AGTR1: variants seen among roughly 807,000 people sequenced by gnomAD.
AGTR1 encodes type-1 angiotensin II receptor.
Under a neutral mutation model 19.4 loss-of-function variants are expected in AGTR1, and 16 were observed. The observed-to-expected ratio is 0.82, with a 90% CI of 0.56 to 1.25. The LOEUF (loss-of-function observed/expected upper bound fraction) is 1.25, where lower values mean the gene tolerates loss of function less well. Ranked by LOEUF, AGTR1 falls within the 50% of genes most tolerant of loss-of-function variation. The probability of loss-of-function intolerance (pLI) is 0.00; values close to 1 mark genes in which losing one functional copy is unlikely to be tolerated. For missense variants in AGTR1, 373 were observed against 431.9 expected (o/e 0.86, Z 1.21); for synonymous variants, 153 against 154.9 (o/e 0.99, Z 0.09).
chr3:148,711,728 GAGAT>G (rs1031787251), intron 2 of AGTR1, among the ~76,000 whole-genome samples: 84 of 152,174 alleles, frequency 5.5e-4, no homozygotes, highest in Middle Eastern at 3.4e-3. Flanking sequence ...GATTTAAATA[GAGAT>G]AGATAGACAG....
intron 2 of AGTR1, among the ~76,000 whole-genome samples, chr3:148,717,717 C>G (rs953433484): frequency 1.3e-5 from 2 of 152,094 alleles, no homozygotes; most frequent in African/African-American, 4.8e-5. Context: ...TCATATGCCA[C>G]CAGCCATCGG....
At chr3:148,720,483 C>T (rs1316698254) in intron 2 of AGTR1, among the ~76,000 whole-genome samples, 2 of 152,062 alleles carry the variant, frequency 1.3e-5, no homozygotes, top group Non-Finnish European at 2.9e-5. Context: ...CATCTAGTTT[C>T]AAATCAAAAA....
intron 2 of AGTR1, among the ~76,000 whole-genome samples, chr3:148,712,491 A>G (rs887733565): frequency 7.9e-5 from 12 of 152,296 alleles, no homozygotes; most frequent in Admixed American, 2.0e-4. Flanking sequence ...GAGCCACTGT[A>G]GATGAAACCA....
chr3:148,739,098 C>T (rs560437450), intron 2 of AGTR1, among the ~76,000 whole-genome samples: 61 of 152,178 alleles, frequency 4.0e-4, no homozygotes, highest in Non-Finnish European at 6.9e-4. Flanking sequence ...GTGGCTCACG[C>T]CTGTAATTCC....
At chr3:148,730,027 C>G in intron 2 of AGTR1, 1 of 382,084 alleles carries the variant, frequency 2.6e-6, no homozygotes, top group Non-Finnish European at 4.6e-6. Flanking sequence ...TTAATAACAC[C>G]AACAAAAGTT....
chr3:148,714,066 G>A (rs1420735090), intron 2 of AGTR1, among the ~76,000 whole-genome samples: 1 of 152,186 alleles, frequency 6.6e-6, no homozygotes, highest in African/African-American at 2.4e-5. Context: ...ACTACTGAAA[G>A]AGGATATTAA....
At chr3:148,726,103 A>G (rs1173139413) in intron 2 of AGTR1, among the ~76,000 whole-genome samples, 2 of 152,232 alleles carry the variant, frequency 1.3e-5, no homozygotes, top group African/African-American at 4.8e-5. Context: ...TGTCAGATCA[A>G]TGAAGGTTTA....
chr3:148,728,956 C>T (rs979356606), intron 2 of AGTR1, among the ~76,000 whole-genome samples: 1 of 152,152 alleles, frequency 6.6e-6, no homozygotes, highest in Non-Finnish European at 1.5e-5. Flanking sequence ...TTTCCTACTG[C>T]GGGGTTCCTT....
intron 2 of AGTR1, among the ~76,000 whole-genome samples, chr3:148,729,665 G>A (rs1714145028): frequency 6.6e-6 from 1 of 152,142 alleles, no homozygotes; most frequent in Non-Finnish European, 1.5e-5. Flanking sequence ...CTTATCACAG[G>A]ATATTTAATT....
At chr3:148,703,824 A>AT (rs1385430138) in intron 1 of AGTR1, among the ~76,000 whole-genome samples, 11 of 119,042 alleles carry the variant, frequency 9.2e-5, no homozygotes, top group African/African-American at 5.0e-4. Flanking sequence ...TTCCCTCATA[A>AT]ATTTTTTTTA....
In AGTR1 at chr3:148,713,525, G is replaced by A. The variant is rs149488414; in HGVS notation, c.-48+5498G>A. 3.1e-3 allele frequency among the ~76,000 whole-genome samples: 468 copies of A among 152,152 alleles called. 3 individuals are homozygous for A. Among genetic ancestry groups the A allele is most frequent in the Non-Finnish European group, 5.1e-3 (344 of 68,002 alleles). On this transcript the variant is annotated intron_variant, in intron 2 of 2. Coordinates refer to ENST00000349243, the MANE Select transcript of AGTR1 (RefSeq NM_000685.5). ...ATTAGGTTTGCAATAATCAGATGCCGAGGACCCAAGAGGAACCATTCCTCT... is the reference window on the plus strand; with the variant it reads ...ATTAGGTTTGCAATAATCAGATGCCAAGGACCCAAGAGGAACCATTCCTCT...
intron 2 of AGTR1, among the ~76,000 whole-genome samples, chr3:148,718,187 A>T (rs188598470): frequency 5.3e-5 from 8 of 152,342 alleles, no homozygotes; most frequent in Admixed American, 5.2e-4. Flanking sequence ...CCTGGCAACA[A>T]ATGTAGCCAC....
intron 2 of AGTR1, among the ~76,000 whole-genome samples, chr3:148,733,160 C>T (rs140912360): frequency 6.2e-4 from 94 of 152,260 alleles, no homozygotes; most frequent in African/African-American, 2.0e-3. Context: ...AACCTCAGTC[C>T]GCTCCCACAT....
At chr3:148,714,121 A>G (rs1237349009) in intron 2 of AGTR1, among the ~76,000 whole-genome samples, 1 of 152,178 alleles carries the variant, frequency 6.6e-6, no homozygotes, top group Admixed American at 6.6e-5. Context: ...AGCAGATTCT[A>G]TTGTGTTTCA....
In AGTR1 at chr3:148,739,360, G is replaced by GA. The variant is rs869112085; in HGVS notation, c.-47-1614dup. ...GGCAATACAGTGACACTCTGTCTCA[G>GA]AAAAAAAAAAAAAAAGTGTCAAACC... On this transcript the variant is annotated intron_variant, in intron 2 of 2. Transcript: ENST00000349243. Among the ~76,000 whole-genome samples, 750 of 114,682 alleles carry GA rather than the reference G, an allele frequency of 6.5e-3. 10 individuals are homozygous for GA. The highest frequency in any genetic ancestry group is 0.035 in the East Asian group (133 of 3,854). The allele number at this position is 114,682 out of a possible 152,430, so 75.2% of individuals were successfully genotyped here. A position where few individuals can be genotyped will look rare whatever the true frequency, so the allele number is the denominator to read the frequency against.
chr3:148,742,021 A>G lies in AGTR1; in HGVS notation c.986A>G (p.Asn329Ser). 2 of 1,613,876 alleles carry G rather than the reference A, an allele frequency of 1.2e-6. No homozygotes were observed. Among genetic ancestry groups the G allele is most frequent in the Non-Finnish European group, 8.5e-7 (1 of 1,179,960 alleles). ...CCCCCAAAAGCCAAATCCCACTCAA[A>G]CCTTTCAACAAAAATGAGCACGCTT... Reference protein sequence around the residue: ...YIPPKAKSHSNLSTKMSTLSY... With the variant: ...YIPPKAKSHSSLSTKMSTLSY... Residue 329 changes from asparagine to serine, a missense_variant, in exon 3 of 3, where the codon AAC becomes AGC. By Grantham distance (46) the Asn-to-Ser change is conservative. Transcript: ENST00000349243.
intron 2 of AGTR1, among the ~76,000 whole-genome samples, chr3:148,732,443 A>G (rs1576536915): frequency 6.6e-6 from 1 of 152,362 alleles, no homozygotes. Context: ...TGTGACTATG[A>G]TAATCTTATG....
chr3:148,701,182 G>GA (rs1327218628), intron 1 of AGTR1, among the ~76,000 whole-genome samples: 2 of 151,686 alleles, frequency 1.3e-5, no homozygotes, highest in Non-Finnish European at 2.9e-5. Context: ...TTCAATCACA[G>GA]AAAAAAAATC....
chr3:148,704,899 C>G (rs1431374879), intron 1 of AGTR1, among the ~76,000 whole-genome samples: 3 of 152,142 alleles, frequency 2.0e-5, no homozygotes, highest in Non-Finnish European at 4.4e-5. Flanking sequence ...CTCCTTGAAT[C>G]TAGAACTGTA....
Sources: allele counts gnomAD v4.1 joint callset (sites outside exome capture counted in the v4.1 genomes callset), GRCh38; gene constraint gnomAD v4.1.1; transcripts MANE v1.5; gene names NCBI Gene and HGNC (gene_info 2026-07-23, HGNC 2026-07-21).